Variants in CSMD3 observed in about 807,000 individuals in gnomAD.
The protein encoded by CSMD3 is CUB and sushi domain-containing protein 3.
CSMD3 carries 177 observed loss-of-function variants against 435.2 expected under a neutral mutation model. That is an observed-to-expected ratio of 0.41 (90% CI 0.36 to 0.46). The LOEUF is 0.46. CSMD3 is among the 20% of genes least tolerant of loss of function. The probability of loss-of-function intolerance (pLI) is 0.34; values close to 1 mark genes in which losing one functional copy is unlikely to be tolerated. For synonymous variants in CSMD3, 1,656 were observed against 1,520.5 expected (o/e 1.09, Z -2.07); for missense variants, 4,265 against 4,504.6 (o/e 0.95, Z 1.52).
chr8:113,314,975 A>G (rs947615921), intron 1 of CSMD3, among the ~76,000 whole-genome samples, 182 bp from the exon 2 acceptor site: 2 of 152,190 alleles, frequency 1.3e-5, no homozygotes, highest in African/African-American at 4.8e-5. Flanking sequence ...AAACAAAATA[A>G]TAGAAGATTT....
chr8:112,342,236 A>G (rs1462004138), intron 41 of CSMD3, among the ~76,000 whole-genome samples: 1 of 152,134 alleles, frequency 6.6e-6, no homozygotes, highest in Non-Finnish European at 1.5e-5. Context: ...GCAGGCTTTT[A>G]TATAATAACC....
chr8:112,940,483 C>T (rs1189927955), intron 9 of CSMD3, among the ~76,000 whole-genome samples: 2 of 151,756 alleles, frequency 1.3e-5, no homozygotes, highest in Non-Finnish European at 2.9e-5. Flanking sequence ...ACAAGCTGAG[C>T]TTTCCCAAAA....
At chr8:113,216,866 G>C (rs568342175) in intron 3 of CSMD3, among the ~76,000 whole-genome samples, 5 of 151,926 alleles carry the variant, frequency 3.3e-5, no homozygotes, top group South Asian at 2.1e-4. Flanking sequence ...AGTCAAGAAG[G>C]GGGTCTTGAG....
intron 3 of CSMD3, among the ~76,000 whole-genome samples, chr8:113,269,415 C>A (rs1398261081): frequency 6.6e-6 from 1 of 152,116 alleles, no homozygotes; most frequent in Non-Finnish European, 1.5e-5. Flanking sequence ...GCGCCATCCC[C>A]ATCAAGCTAC....
chr8:113,364,588 A>C (rs932676457), intron 1 of CSMD3, among the ~76,000 whole-genome samples: 1 of 152,146 alleles, frequency 6.6e-6, no homozygotes, highest in Admixed American at 6.5e-5. Context: ...GATTTAAATG[A>C]ATCTCTAAAC....
chr8:112,346,014 A>C, intron 41 of CSMD3, 83 bp downstream of exon 41: 3 of 851,080 alleles, frequency 3.5e-6, no homozygotes, highest in Non-Finnish European at 6.1e-6. Flanking sequence ...AGATTTTATA[A>C]ATTCTTATTC....
At chr8:112,304,469 A>G (rs1467331229) in intron 52 of CSMD3, among the ~76,000 whole-genome samples, 1 of 152,040 alleles carries the variant, frequency 6.6e-6, no homozygotes. Context: ...CTTCATTGTT[A>G]AAGTAGGTAA....
At chr8:113,089,856 AAAAC>A (rs2089941511) in intron 5 of CSMD3, among the ~76,000 whole-genome samples, 1 of 152,126 alleles carries the variant, frequency 6.6e-6, no homozygotes, top group Non-Finnish European at 1.5e-5. Flanking sequence ...CTTAATCTGG[AAAAC>A]AAACAAAGCG....
intron 32 of CSMD3, among the ~76,000 whole-genome samples, chr8:112,422,263 T>C (rs923779735): frequency 6.6e-6 from 1 of 152,140 alleles, no homozygotes; most frequent in Non-Finnish European, 1.5e-5. Context: ...AATACATTCA[T>C]CCTAAATGGC....
intron 6 of CSMD3, among the ~76,000 whole-genome samples, chr8:113,009,122 C>A (rs1398697594): frequency 6.6e-6 from 1 of 151,628 alleles, no homozygotes; most frequent in East Asian, 1.9e-4. Context: ...TGTGTTATAT[C>A]CTTTTTGGCT....
intron 57 of CSMD3, among the ~76,000 whole-genome samples, chr8:112,288,211 G>C (rs1348959812): frequency 8.2e-6 from 1 of 122,172 alleles, no homozygotes; most frequent in Non-Finnish European, 1.6e-5. Flanking sequence ...AAATATCTGT[G>C]TACCATTTTA....
At chr8:113,421,641 T>C (rs1163588869) in intron 1 of CSMD3, among the ~76,000 whole-genome samples, 1 of 152,072 alleles carries the variant, frequency 6.6e-6, no homozygotes, top group Admixed American at 6.6e-5. Flanking sequence ...GCCTCAGAAA[T>C]AGGATTCGGA....
intron 41 of CSMD3, among the ~76,000 whole-genome samples, chr8:112,342,587 G>A (rs747232276): frequency 1.6e-4 from 24 of 151,936 alleles, no homozygotes; most frequent in East Asian, 3.9e-4. Flanking sequence ...AAAGTGAGTC[G>A]CAGAGAAGTA....
intron 4 of CSMD3, among the ~76,000 whole-genome samples, chr8:113,170,034 A>C (rs1266511186): frequency 6.6e-6 from 1 of 152,126 alleles, no homozygotes; most frequent in Admixed American, 6.6e-5. Flanking sequence ...TTTCTTAATT[A>C]AACTACCATT....
At chr8:112,936,139 A>G (rs747038681) in intron 9 of CSMD3, among the ~76,000 whole-genome samples, 2 of 151,978 alleles carry the variant, frequency 1.3e-5, no homozygotes, top group African/African-American at 2.4e-5. Flanking sequence ...TTCCACATTT[A>G]GTTTAACAGT....
intron 24 of CSMD3, among the ~76,000 whole-genome samples, chr8:112,572,126 T>C (rs1052397772): frequency 5.3e-5 from 8 of 152,002 alleles, no homozygotes; most frequent in Non-Finnish European, 1.0e-4. Context: ...TCAATATCAT[T>C]ACTCAATATC....
chr8:113,404,693 T>C (rs1025038028), intron 1 of CSMD3, among the ~76,000 whole-genome samples: 3 of 151,380 alleles, frequency 2.0e-5, no homozygotes, highest in Admixed American at 1.3e-4. Context: ...ATTTATACTA[T>C]ATGTACACAG....
At chr8:112,679,483 G>T (rs537209904) in intron 16 of CSMD3, among the ~76,000 whole-genome samples, 1 of 152,126 alleles carries the variant, frequency 6.6e-6, no homozygotes, top group East Asian at 1.9e-4. Context: ...AACAATTCTT[G>T]TCCATCAGAA....
chr8:112,317,554 TAG>T (rs1822589716), intron 47 of CSMD3, among the ~76,000 whole-genome samples: 1 of 152,022 alleles, frequency 6.6e-6, no homozygotes, highest in African/African-American at 2.4e-5. Flanking sequence ...CCTAAAGGTC[TAG>T]AGAGTAGCCT....
Sources: allele counts gnomAD v4.1 joint callset (sites outside exome capture counted in the v4.1 genomes callset), GRCh38; gene constraint gnomAD v4.1.1; transcripts MANE v1.5; gene names NCBI Gene and HGNC (gene_info 2026-07-23, HGNC 2026-07-21).